F8: variants seen among roughly 807,000 people sequenced by gnomAD.
F8 encodes the protein coagulation factor VIII.
F8 carries 12 observed loss-of-function variants against 140.6 expected under a neutral mutation model. The ratio of observed to expected loss-of-function variants is 0.09; its 90% CI spans 0.05 to 0.14. F8 has a LOEUF of 0.14. Ranked by LOEUF, F8 falls within the 10% of genes least tolerant of loss-of-function variation. The pLI, the probability that F8 is intolerant of heterozygous loss-of-function variation, is 1.00. For synonymous variants in F8, 585 were observed against 614.6 expected (o/e 0.95, Z 0.71); for missense variants, 1,354 against 1,720.7 (o/e 0.79, Z 3.77).
At chrX:154,995,185 A>G (rs1174925158) in intron 3 of F8, among the ~76,000 whole-genome samples, 1 of 112,170 alleles carries the variant, frequency 8.9e-6, no homozygotes, top group Non-Finnish European at 1.9e-5. Flanking sequence ...GAAATATTTC[A>G]TTAGGAAAAA....
intron 1 of F8, among the ~76,000 whole-genome samples, chrX:155,008,461 G>C (rs980465230): frequency 9.0e-6 from 1 of 111,640 alleles, no homozygotes; most frequent in Non-Finnish European, 1.9e-5. Context: ...GGGTGAGGGG[G>C]AAGAATGGCA....
chrX:155,002,571 C>T (rs2073652031), intron 1 of F8, among the ~76,000 whole-genome samples: 1 of 108,419 alleles, frequency 9.2e-6, no homozygotes, highest in African/African-American at 3.4e-5. Flanking sequence ...TTGGTTCTGC[C>T]TTCTGACTCA....
intron 1 of F8, among the ~76,000 whole-genome samples, chrX:155,012,043 T>C (rs995479606): frequency 8.9e-6 from 1 of 112,088 alleles, no homozygotes; most frequent in Non-Finnish European, 1.9e-5. Flanking sequence ...CTTTTTGAGG[T>C]GATGAAAATA....
At chrX:154,981,036 C>T (rs782545363) in intron 6 of F8, among the ~76,000 whole-genome samples, 5 of 112,089 alleles carry the variant, frequency 4.5e-5, no homozygotes, top group Admixed American at 9.4e-5. Flanking sequence ...CCAGGTTAGA[C>T]GCAAGTCTCA....
At chrX:154,901,473 A>G (rs782775501) in intron 19 of F8, 31 bp from the exon 20 acceptor site, 1 of 970,255 alleles carries the variant, frequency 1.0e-6, no homozygotes, top group South Asian at 1.9e-5. Context: ...CACAGTAACT[A>G]GAAGTGCACA....
chrX:154,963,768 A>G (rs184074964), intron 9 of F8, among the ~76,000 whole-genome samples: 2 of 111,839 alleles, frequency 1.8e-5, no homozygotes, highest in East Asian at 5.6e-4. Context: ...TGGTATCCAG[A>G]GTATAACCTG....
Position 154,837,107 on chromosome X carries a change from C to G in F8, c.*490G>C, listed in dbSNP as rs2072480438. On this transcript the variant is annotated 3_prime_UTR_variant, in exon 26 of 26. Coordinates refer to ENST00000360256, the MANE Select transcript of F8 (RefSeq NM_000132.4). Reference sequence around the variant, plus strand: ...ATTGTCCAAATGATTTGCCTTTTGACTCCAAGATTGTATTGATCTGATCCT... The same window carrying G: ...ATTGTCCAAATGATTTGCCTTTTGAGTCCAAGATTGTATTGATCTGATCCT... The G allele has an allele frequency of 8.0e-6, 1 of 125,501 alleles. No individual in the cohort carries two copies. Among genetic ancestry groups the G allele is most frequent in the African/African-American group, 3.2e-5 (1 of 31,275 alleles). The allele number at this position is 125,501 out of a possible 1,213,427, so 10.3% of individuals were successfully genotyped here.
At chrX:154,875,534 A>G (rs1281776403) in intron 22 of F8, among the ~76,000 whole-genome samples, 1 of 111,978 alleles carries the variant, frequency 8.9e-6, no homozygotes, top group Non-Finnish European at 1.9e-5. Flanking sequence ...TACCTAAATA[A>G]AGATTTTTTA....
chrX:154,961,843 T>C (rs1243613092), intron 9 of F8, among the ~76,000 whole-genome samples: 7 of 111,193 alleles, frequency 6.3e-5, no homozygotes, highest in Non-Finnish European at 1.3e-4. Context: ...CAGTCCTTTC[T>C]AAAGACGTGG....
rs782451183 is a variant in F8 at position 154,957,154 on chromosome X, C to T, written c.1555G>A (p.Asp519Asn). The change falls in exon 11 of 26, where the codon GAT becomes AAT. Residue 519 changes from aspartate (D) to asparagine (N), a missense_variant. Physicochemically the swap from Asp to Asn is conservative, Grantham distance 23 (BLOSUM62 1). Around this residue, in one of 4 missense-constraint regions of F8, gnomAD observed 252 missense variants for 338.5 expected, o/e 0.74. Coordinates refer to ENST00000360256, the MANE Select transcript of F8 (RefSeq NM_000132.4). ...RLPKGVKHLK[D>N]FPILPGEIFK... ...ATTTCTCCTGGCAGAATTGGAAAATCCTTCAAATGTTTTACACCTACCCAC... is the reference window on the plus strand; with the variant it reads ...ATTTCTCCTGGCAGAATTGGAAAATTCTTCAAATGTTTTACACCTACCCAC... 1 of 1,209,066 alleles carries T rather than the reference C, an allele frequency of 8.3e-7. No homozygotes were observed. The highest frequency in any genetic ancestry group is 1.1e-6 in the Non-Finnish European group (1 of 893,829).
chrX:154,871,005 T>C (rs1557273547), intron 22 of F8, among the ~76,000 whole-genome samples: 1 of 111,930 alleles, frequency 8.9e-6, no homozygotes, highest in African/African-American at 3.3e-5. Flanking sequence ...GTGAAGGACC[T>C]CTTCAAGGAA....
chrX:154,888,406 T>TTTTTTTTTTTTTTAA (rs1288957215), intron 22 of F8, among the ~76,000 whole-genome samples: 1 of 73,730 alleles, frequency 1.4e-5, no homozygotes, highest in Non-Finnish European at 2.4e-5. Flanking sequence ...TTTTTTTTTT[T>TTTTTTTTTTTTTTAA]CCCCCCGAGA....
At chrX:154,966,282 T>A in intron 8 of F8, 141 bp from the exon 9 acceptor site, 1 of 904,947 alleles carries the variant, frequency 1.1e-6, no homozygotes, top group Non-Finnish European at 1.5e-6. Context: ...GCTATGTTAG[T>A]TTCCAAATGT....
At chrX:155,004,778 C>T (rs782046419) in intron 1 of F8, among the ~76,000 whole-genome samples, 53 of 111,895 alleles carry the variant, frequency 4.7e-4, no homozygotes, top group Non-Finnish European at 9.0e-4. Flanking sequence ...CAAGAAGATA[C>T]ATGACCATGG....
In F8 at chrX:154,957,182, G is replaced by A. The variant is rs1557281277; in HGVS notation, c.1538-11C>T. On this transcript the variant is annotated splice_polypyrimidine_tract_variant and intron_variant, in intron 10 of 25. Transcript: ENST00000360256. ...TCAAATGTTTTACACCTACCCACAA[G>A]CAAAACCATAAATAGCTCAATTAGA... 1.0e-5 allele frequency: 12 copies of A among 1,158,122 alleles called. No individual in the cohort carries two copies. In the Admixed American group the frequency reaches 2.4e-4, roughly 23 times the overall value.
At chrX:154,927,494 G>A (rs1178927704) in intron 14 of F8, among the ~76,000 whole-genome samples, 2 of 112,245 alleles carry the variant, frequency 1.8e-5, no homozygotes, top group Non-Finnish European at 3.8e-5. Flanking sequence ...AGAGTATATG[G>A]GTACAAATGC....
At chrX:154,971,715 A>T (rs1490272944) in intron 6 of F8, among the ~76,000 whole-genome samples, 1 of 111,455 alleles carries the variant, frequency 9.0e-6, no homozygotes, top group African/African-American at 3.3e-5. Context: ...TAGAATCACT[A>T]ATCTCAACTA....
At chrX:154,973,667 T>C (rs1429112382) in intron 6 of F8, among the ~76,000 whole-genome samples, 1 of 112,671 alleles carries the variant, frequency 8.9e-6, no homozygotes, top group African/African-American at 3.2e-5. Flanking sequence ...TATCAATTAT[T>C]GTATGTTGAT....
In F8 at chrX:154,984,779, T is replaced by C. The variant is rs781989516; in HGVS notation, c.695A>G (p.Lys232Arg). The change falls in exon 6 of 26, where the codon AAG becomes AGG. Residue 232 changes from lysine (K) to arginine (R), a missense_variant. Physicochemically the swap from Lys to Arg is conservative, Grantham distance 26 (BLOSUM62 2). This residue lies in a region of F8 where 128 missense variants were observed against 230.4 expected (regional missense o/e 0.56). Coordinates refer to ENST00000360256, the MANE Select transcript of F8 (RefSeq NM_000132.4). Reference protein sequence around the residue: ...DEGKSWHSETKNSLMQDRDAA... With the variant: ...DEGKSWHSETRNSLMQDRDAA... ...ATCCCTATCCTGCATCAAGGAGTTC[T>C]TTGTTTCTGAGTGCCAACTTTTCCC... 1 of 1,210,513 alleles carries C rather than the reference T, an allele frequency of 8.3e-7. No homozygotes were observed. Among genetic ancestry groups the C allele is most frequent in the Admixed American group, 2.2e-5 (1 of 46,027 alleles).
Sources: allele counts gnomAD v4.1 joint callset (sites outside exome capture counted in the v4.1 genomes callset), GRCh38; gene constraint gnomAD v4.1.1; regional missense constraint gnomAD v4.1.1; transcripts MANE v1.5; gene names NCBI Gene and HGNC (gene_info 2026-07-23, HGNC 2026-07-21).